Variants in YIF1A observed in about 807,000 individuals in gnomAD.
YIF1A encodes Yip1 interacting factor homolog A, membrane trafficking protein.
Under a neutral mutation model 32.6 loss-of-function variants are expected in YIF1A, and 28 were observed. The observed-to-expected ratio is 0.86, with a 90% CI of 0.64 to 1.18. The LOEUF (loss-of-function observed/expected upper bound fraction) is 1.18. Among genes scored for constraint, YIF1A ranks in the 50% most tolerant of loss-of-function variants. The probability of loss-of-function intolerance (pLI) is 0.00; values close to 1 mark genes in which losing one functional copy is unlikely to be tolerated. For missense variants in YIF1A, 373 were observed against 390.8 expected, an observed-to-expected ratio of 0.95 and a Z score of 0.38; for synonymous variants, 175 against 162.2, an observed-to-expected ratio of 1.08 and a Z score of -0.60.
At chr11:66,287,284 C>T in intron 4 of YIF1A, 1 of 392,980 alleles carries the variant, frequency 2.5e-6, no homozygotes. Flanking sequence ...AAATAACCAG[C>T]CTGAAATCCC....
At position 66,287,870 on chromosome 11, in the gene YIF1A, A is replaced by G. The variant is rs1246536288; in HGVS notation, c.290T>C (p.Val97Ala). 1 of 1,614,048 alleles carries G rather than the reference A, an allele frequency of 6.2e-7. No homozygotes were observed. The highest frequency in any genetic ancestry group is 1.1e-5 in the South Asian group (1 of 91,080). Residue 97 changes from valine to alanine, a missense_variant, in exon 3 of 8, where the codon GTG becomes GCG. Transcript: ENST00000376901. Reference protein sequence around the residue: ...SVSKLKYFFAVDTAYVAKKLG... With the variant: ...SVSKLKYFFAADTAYVAKKLG... ...CTTCTTGGCCACGTAGGCTGTGTCCACAGCAAAAAAATACTTGAGTTTGCT... is the reference window on the plus strand; with the variant it reads ...CTTCTTGGCCACGTAGGCTGTGTCCGCAGCAAAAAAATACTTGAGTTTGCT...
rs371223379 is a variant in YIF1A, at chr11:66,285,739, G to A, written c.447C>T (p.Tyr149=). The change falls in exon 5 of 8, where the codon TAC becomes TAT. Residue 149 remains tyrosine (Y), a synonymous_variant. Coordinates refer to ENST00000376901, the MANE Select transcript of YIF1A (RefSeq NM_020470.3). ...LYIPTMAFIT[Y]VLLAGMALGI... ...CCAGTGCCATCCCAGCCAGGAGCAC[G>A]TAAGTAATGAAGGCCATCGCTGCCA... is the stretch of plus-strand genomic sequence containing the variant. The A allele has an allele frequency of 6.1e-5, 99 of 1,613,100 alleles. 1 individual carries two copies. The East Asian group carries it at 1.2e-3, about 19-fold the overall frequency.
At chr11:66,287,393 TG>T in intron 4 of YIF1A, 2 of 618,258 alleles carry the variant, frequency 3.2e-6, no homozygotes, top group Non-Finnish European at 2.9e-6. Context: ...AAGGGTGTCC[TG>T]GGGACACTGA....
In YIF1A at chr11:66,289,046, T is replaced by C. The variant is rs1348364809; in HGVS notation, c.-61A>G. On this transcript the variant is annotated 5_prime_UTR_variant, in exon 1 of 8. Coordinates refer to ENST00000376901, the MANE Select transcript of YIF1A (RefSeq NM_020470.3). ...GCCGCCTCGTGGGTACGAATACTAA[T>C]GAGGCAGCTGCTCCGCGCCCAGGGT... is the stretch of plus-strand genomic sequence containing the variant. 6.5e-7 allele frequency: 1 copy of C among 1,537,050 alleles called. No individual in the cohort carries two copies. Among genetic ancestry groups the C allele is most frequent in the Non-Finnish European group, 8.7e-7 (1 of 1,151,560 alleles).
In YIF1A at chr11:66,284,886, A is replaced by C. The variant is rs1392682583; in HGVS notation, c.722T>G (p.Leu241Arg). 7 of 1,613,056 alleles carry C rather than the reference A, an allele frequency of 4.3e-6. No homozygotes were observed. Among genetic ancestry groups the C allele is most frequent in the Non-Finnish European group, 5.1e-6 (6 of 1,179,974 alleles). The change falls in exon 7 of 8, where the codon CTC (leucine) becomes CGC (arginine). Residue 241 changes from leucine (L) to arginine (R), a missense_variant. Leu to Arg is a moderately radical substitution (Grantham distance 102). Coordinates refer to ENST00000376901, the MANE Select transcript of YIF1A (RefSeq NM_020470.3). The part of the protein sequence containing the change: ...YVALAWTSSA[L>R]MYFIVRSLRT... Reference sequence around the variant, plus strand: ...CACCAGACTCACAATGAAGTACATGAGCGCCGATGAGGTCCAGGCCAGCGC... The same window carrying C: ...CACCAGACTCACAATGAAGTACATGCGCGCCGATGAGGTCCAGGCCAGCGC...
In YIF1A at chr11:66,289,006, C is replaced by A. The variant is rs1335623112; in HGVS notation, c.-21G>T. 2.5e-6 allele frequency: 4 copies of A among 1,577,244 alleles called. No homozygotes were observed. ...GCCATGGCCGCGACGCTCGCTGTCCCCGAGGGCCCGCTGCGCCGCCTCGTG... is the reference window on the plus strand; with the variant it reads ...GCCATGGCCGCGACGCTCGCTGTCCACGAGGGCCCGCTGCGCCGCCTCGTG... On this transcript the variant is annotated 5_prime_UTR_variant, in exon 1 of 8. Transcript: ENST00000376901.
chr11:66,288,678 G>A (rs987762712), intron 1 of YIF1A, among the ~76,000 whole-genome samples: 2 of 152,204 alleles, frequency 1.3e-5, no homozygotes, highest in African/African-American at 4.8e-5. Flanking sequence ...TGGAGGCCCT[G>A]GACAGTGATC....
In YIF1A at chr11:66,285,191, A is replaced by G. The variant is rs979521874; in HGVS notation, c.641+190T>C. The G allele has an allele frequency of 4.9e-5, 48 of 980,920 alleles. 1 individual carries two copies. The Middle Eastern group carries it at 1.3e-3, about 27-fold the overall frequency. The allele number at this position is 980,920 out of a possible 1,614,324, so 60.8% of individuals were successfully genotyped here. A position where few individuals can be genotyped will look rare whatever the true frequency, so the allele number is the denominator to read the frequency against. ...TTCTCTCCCCAAGACTCGCAGAGTG[A>G]CTCTCAACACCTCCCCAACCTCTGC... On this transcript the variant is annotated intron_variant, in intron 6 of 7. Coordinates refer to ENST00000376901, the MANE Select transcript of YIF1A (RefSeq NM_020470.3).
At chr11:66,288,899 ACGCCGCCGACTCTCCCCCCGCCGGCCG>A in intron 1 of YIF1A, 29 bp downstream of exon 1, 1 of 1,435,856 alleles carries the variant, frequency 7.0e-7, no homozygotes, top group Non-Finnish European at 9.0e-7. Flanking sequence ...TGAGCGGGCC[ACGCCGCCGACTCTCCCCCCGCCGGCCG>A]CGCCGCGCCC....
chr11:66,288,016 G>T (rs1231661487), intron 2 of YIF1A, 65 bp downstream of exon 2: 48 of 1,607,404 alleles, frequency 3.0e-5, no homozygotes, highest in Non-Finnish European at 3.7e-5. Flanking sequence ...GAATCGGGTG[G>T]AATCCCATGA....
Position 66,284,947 on chromosome 11 carries a change from T to G in YIF1A, c.661A>C (p.Thr221Pro). Reference sequence around the variant, plus strand: ...CCATCGCTGCCGAACAGCAGCCCCGTGAGCACACTGAGGATCATTCTGGGG... The same window carrying G: ...CCATCGCTGCCGAACAGCAGCCCCGGGAGCACACTGAGGATCATTCTGGGG... Reference protein sequence around the residue: ...KYVGMILSVLTGLLFGSDGYY... With the variant: ...KYVGMILSVLPGLLFGSDGYY... The change falls in exon 7 of 8, where the codon ACG becomes CCG. Residue 221 changes from threonine to proline, a missense_variant. Transcript: ENST00000376901. The G allele has an allele frequency of 6.2e-7, 1 of 1,613,290 alleles. No homozygotes were observed. The highest frequency in any genetic ancestry group is 8.5e-7 in the Non-Finnish European group (1 of 1,180,000).
In YIF1A at chr11:66,285,718, T is replaced by C. The variant is rs1245895684; in HGVS notation, c.468A>G (p.Ala156=). Residue 156 remains alanine (A), a synonymous_variant, in exon 5 of 8, where the codon GCA becomes GCG. Coordinates refer to ENST00000376901, the MANE Select transcript of YIF1A (RefSeq NM_020470.3). ...GCACTGACCTTTTCTGAATGCCCAG[T>C]GCCATCCCAGCCAGGAGCACGTAAG... ...FITYVLLAGM[A]LGIQKRFSPE... The C allele has an allele frequency of 6.2e-7, 1 of 1,613,182 alleles. No homozygotes were observed. Among genetic ancestry groups the C allele is most frequent in the Non-Finnish European group, 8.5e-7 (1 of 1,179,900 alleles).
At chr11:66,285,031 C>T in intron 6 of YIF1A, 65 bp from the exon 7 acceptor site, 1 of 1,540,232 alleles carries the variant, frequency 6.5e-7, no homozygotes, top group Non-Finnish European at 8.9e-7. Flanking sequence ...TGGCCCTACC[C>T]CCAACGCCCA....
At chr11:66,286,444 C>G (rs1344928132) in intron 4 of YIF1A, among the ~76,000 whole-genome samples, 2 of 152,210 alleles carry the variant, frequency 1.3e-5, no homozygotes, top group African/African-American at 4.8e-5. Flanking sequence ...TGGCAAAACC[C>G]TGTCTCTACT....
At chr11:66,285,204 C>T in intron 6 of YIF1A, 177 bp downstream of exon 6, 1 of 1,081,728 alleles carries the variant, frequency 9.2e-7, no homozygotes, top group African/African-American at 1.6e-5. Flanking sequence ...CTCAACACCT[C>T]CCCAACCTCT....
chr11:66,288,318 G>A, intron 1 of YIF1A, 26 bp from the exon 2 acceptor site: 4 of 1,613,488 alleles, frequency 2.5e-6, no homozygotes, highest in African/African-American at 1.3e-5. Flanking sequence ...TATCAGAGTA[G>A]ATGACAGAAA....
chr11:66,287,638 G>T lies in YIF1A; in HGVS notation c.387C>A (p.Pro129=). Reference sequence around the variant, plus strand: ...CAGGGGCGTTGAGGTCTTGCCGGGGGGGCAGAGGAGCATCACGACTGTACT... The same window carrying T: ...CAGGGGCGTTGAGGTCTTGCCGGGGTGGCAGAGGAGCATCACGACTGTACT... The part of the protein sequence containing the change: ...EVQYSRDAPL[P]PRQDLNAPDL... Residue 129 remains proline, a synonymous_variant, in exon 4 of 8, where the codon CCC becomes CCA. Transcript: ENST00000376901. 1 of 1,613,732 alleles carries T rather than the reference G, an allele frequency of 6.2e-7. No individual in the cohort carries two copies. Among genetic ancestry groups the T allele is most frequent in the Non-Finnish European group, 8.5e-7 (1 of 1,179,988 alleles).
In YIF1A at chr11:66,287,587, T is replaced by C; in HGVS notation, c.427+11A>G. The C allele has an allele frequency of 6.2e-7, 1 of 1,611,530 alleles. No individual in the cohort carries two copies. Among genetic ancestry groups the C allele is most frequent in the East Asian group, 2.2e-5 (1 of 44,834 alleles). ...CCCCACCACGTTCCCCAGCCCAGGT[T>C]GGAGACTCACTGGGGATATAGAGGT... is the stretch of plus-strand genomic sequence containing the variant. On this transcript the variant is annotated intron_variant, in intron 4 of 7. Coordinates refer to ENST00000376901, the MANE Select transcript of YIF1A (RefSeq NM_020470.3).
In YIF1A at chr11:66,284,757, CAGGG is replaced by C. The variant is rs1857324918; in HGVS notation, c.758_761del (p.Ala253GlyfsTer19). The C allele has an allele frequency of 6.2e-7, 1 of 1,611,878 alleles. No individual in the cohort carries two copies. The highest frequency in any genetic ancestry group is 8.5e-7 in the Non-Finnish European group (1 of 1,179,612). ...CGGGGCCCCCCATGCTGTCGGGGCCCAGGGCTGCTGTCCGCAAAGAGCGCACCTG... is the reference window on the plus strand; with the variant it reads ...CGGGGCCCCCCATGCTGTCGGGGCCCCTGCTGTCCGCAAAGAGCGCACCTG... On this transcript the variant is annotated frameshift_variant, in exon 8 of 8. Coordinates refer to ENST00000376901, the MANE Select transcript of YIF1A (RefSeq NM_020470.3). LOFTEE classifies it high-confidence loss of function.
Sources: gnomAD v4.1 joint callset for allele counts (sites outside exome capture counted in the v4.1 genomes callset) on GRCh38, gnomAD v4.1.1 for gene constraint, MANE v1.5 for transcripts, NCBI Gene and HGNC (gene_info 2026-07-23, HGNC 2026-07-21) for gene names.